VRTN: variants seen among roughly 807,000 people sequenced by gnomAD.
The protein encoded by VRTN is vertebrae development associated.
Under a neutral mutation model 18.2 loss-of-function variants are expected in VRTN, and 5 were observed. The observed-to-expected ratio is 0.27, with a 90% CI of 0.14 to 0.58. The LOEUF is 0.58. VRTN is among the 20% of genes least tolerant of loss of function. VRTN has a pLI of 0.91. For synonymous variants in VRTN, 381 were observed against 393.7 expected (o/e 0.97, Z 0.38); for missense variants, 741 against 939.4 (o/e 0.79, Z 2.76).
chr14:74,340,025 T>C (rs1365796952), intron 2 of VRTN, among the ~76,000 whole-genome samples: 1 of 151,878 alleles, frequency 6.6e-6, no homozygotes, highest in African/African-American at 2.4e-5. Flanking sequence ...AACCTCTGCC[T>C]CCTGGGTTCA....
upstream of VRTN, among the ~76,000 whole-genome samples, chr14:74,347,411 G>C (rs888714197): frequency 6.6e-6 from 1 of 152,214 alleles, no homozygotes; most frequent in Non-Finnish European, 1.5e-5. Context: ...CCTGGGAAAG[G>C]GTGTTTTGTG....
In VRTN at chr14:74,343,372, C is replaced by T. The variant is rs370754036; in HGVS notation, c.-2+5488C>T. 3.9e-5 allele frequency among the ~76,000 whole-genome samples: 6 copies of T among 152,222 alleles called. No individual in the cohort carries two copies. The South Asian group carries it at 6.2e-4, about 16-fold the overall frequency. On this transcript the variant is annotated intron_variant, in intron 2 of 2. Coordinates refer to the VRTN transcript ENST00000557177. ...AAACTCCTGACCTTGGTGATCCATC[C>T]GCCTCAGCCTCCCAAAGGGCTGGGA...
At chr14:74,342,767 A>G (rs1223520953) in intron 2 of VRTN, among the ~76,000 whole-genome samples, 1 of 151,918 alleles carries the variant, frequency 6.6e-6, no homozygotes, top group Non-Finnish European at 1.5e-5. Flanking sequence ...GGCGCATGAC[A>G]CCACACAGGG....
chr14:74,334,456 G>C (rs1210163393), intron 1 of VRTN, among the ~76,000 whole-genome samples: 1 of 152,144 alleles, frequency 6.6e-6, no homozygotes, highest in African/African-American at 2.4e-5. Flanking sequence ...ATTGAGCCTA[G>C]GAGGCAGAAG....
rs1282093532 is a variant in VRTN at position 74,320,561 on chromosome 14, CTCTTTTTTTTTTTTTTTTTT to C, written c.-163-17160_-163-17141del. Among the ~76,000 whole-genome samples the C allele has an allele frequency of 4.3e-3, 397 of 91,554 alleles. 23 individuals carry two copies. The highest frequency in any genetic ancestry group is 0.017 in the African/African-American group (381 of 22,108). The allele number at this position is 91,554 out of a possible 152,430, so 60.1% of individuals were successfully genotyped here. Reference sequence around the variant, plus strand: ...ACAGACTTGAGCCACTGCGCCCGGCCTCTTTTTTTTTTTTTTTTTTTTTTTTTTTTTTTTTTTTTTTTTGA... The same window carrying C: ...ACAGACTTGAGCCACTGCGCCCGGCCTTTTTTTTTTTTTTTTTTTTTTTGA... On this transcript the variant is annotated intron_variant, in intron 1 of 2. Transcript: ENST00000557177.
At chr14:74,346,714 A>T (rs1429060874), upstream of VRTN, among the ~76,000 whole-genome samples, 1 of 152,206 alleles carries the variant, frequency 6.6e-6, no homozygotes, top group Non-Finnish European at 1.5e-5. Context: ...GATTATAGGT[A>T]ATTTTTCTTC....
At chr14:74,329,876 C>CTTTTT (rs61567546) in intron 1 of VRTN, among the ~76,000 whole-genome samples, 1 of 135,520 alleles carries the variant, frequency 7.4e-6, no homozygotes, top group Admixed American at 7.5e-5. Context: ...CGGGCCTGGG[C>CTTTTT]TTTTTTTTTT....
chr14:74,330,706 G>A (rs2085516319), intron 1 of VRTN, among the ~76,000 whole-genome samples: 2 of 151,918 alleles, frequency 1.3e-5, no homozygotes, highest in Admixed American at 6.6e-5. Context: ...CTCCCAAAGT[G>A]CTGGGATTAC....
chr14:74,341,078 G>T (rs921863760), intron 2 of VRTN, among the ~76,000 whole-genome samples: 15 of 152,206 alleles, frequency 9.9e-5, no homozygotes, highest in African/African-American at 3.6e-4. Flanking sequence ...TTGAGTGAAT[G>T]AATTAATTGA....
chr14:74,303,031 G>C (rs1331060909), upstream of VRTN: 18 of 1,107,384 alleles, frequency 1.6e-5, no homozygotes, highest in Non-Finnish European at 2.0e-5. Context: ...AGGAAGGTGC[G>C]GGAGACGCGG....
chr14:74,307,341 G>C (rs12884052), intron 1 of VRTN, among the ~76,000 whole-genome samples: 44,736 of 151,438 alleles, frequency 0.3, 7,123 homozygotes, highest in Middle Eastern at 0.56. Context: ...TGTTGGCTAG[G>C]CTGGTCTCAA....
intron 1 of VRTN, chr14:74,305,445 C>T (rs1029307536): frequency 5.2e-5 from 10 of 192,484 alleles, no homozygotes; most frequent in East Asian, 4.1e-4. Context: ...AAGGAACTTA[C>T]TTCTTCAAGC....
chr14:74,337,377 AC>A (rs1169315537), intron 1 of VRTN, among the ~76,000 whole-genome samples: 2 of 151,976 alleles, frequency 1.3e-5, no homozygotes, highest in Non-Finnish European at 2.9e-5. Context: ...AAACAAACAA[AC>A]AAAACAACAA....
At position 74,357,234 on chromosome 14, in the gene VRTN, G is replaced by A. The variant is rs143867872; in HGVS notation, c.451G>A (p.Ala151Thr). 15 of 1,612,914 alleles carry A rather than the reference G, an allele frequency of 9.3e-6. No individual in the cohort carries two copies. Among genetic ancestry groups the A allele is most frequent in the East Asian group, 4.5e-5 (2 of 44,872 alleles). The change falls in exon 2 of 2, where the codon GCC becomes ACC. Residue 151 changes from alanine to threonine, a missense_variant. This residue lies in a region of VRTN where 186 missense variants were observed against 288.3 expected (regional missense o/e 0.65). Coordinates refer to ENST00000256362, the MANE Select transcript of VRTN (RefSeq NM_018228.3). This position sits in a 1 kb window ranked among gnomAD's most constrained non-coding sequence, Gnocchi z 7.8. The part of the protein sequence containing the change: ...ESPEMTSLPP[A>T]TLEAIFDADV... ...CCCTGAGATGACCAGCTTGCCCCCC[G>A]CCACGCTGGAGGCCATCTTCGATGC...
At position 74,358,102 on chromosome 14, in the gene VRTN, G is replaced by A. The variant is rs751604156; in HGVS notation, c.1319G>A (p.Arg440Gln). The stretch of plus-strand genomic sequence containing the variant: ...TCACGGTCCACTTATTATAATTGGC[G>A]GCGAAAGGCCCTCCGGAGGAACCCC... ...GISRSTYYNW[R>Q]RKALRRNPSF... Residue 440 changes from arginine (R) to glutamine (Q), a missense_variant, in exon 2 of 2, where the codon CGG becomes CAG. This residue lies in a region of VRTN where 494 missense variants were observed against 546.5 expected (regional missense o/e 0.90). Transcript: ENST00000256362. The surrounding 1 kb of genome is among the most constrained non-coding windows in gnomAD (Gnocchi z 5.4). 20 of 1,614,156 alleles carry A rather than the reference G, an allele frequency of 1.2e-5. No individual in the cohort carries two copies. Among genetic ancestry groups the A allele is most frequent in the Non-Finnish European group, 1.5e-5 (18 of 1,180,016 alleles).
chr14:74,308,814 C>T (rs1329172141), intron 1 of VRTN, among the ~76,000 whole-genome samples: 1 of 152,108 alleles, frequency 6.6e-6, no homozygotes, highest in Non-Finnish European at 1.5e-5. Context: ...CTGCACCCTG[C>T]TCTTCAAGGC....
Position 74,357,165 on chromosome 14 carries a change from G to T in VRTN, c.382G>T (p.Val128Leu). 6.3e-7 allele frequency: 1 copy of T among 1,599,604 alleles called. No homozygotes were observed. Among genetic ancestry groups the T allele is most frequent in the South Asian group, 1.1e-5 (1 of 90,874 alleles). The part of the protein sequence containing the change: ...YYLQGMIDSK[V>L]MLQAVRYSLC... ...CCTCCAGGGCATGATCGACTCCAAAGTGATGCTGCAGGCCGTGCGCTACTC... is the reference window on the plus strand; with the variant it reads ...CCTCCAGGGCATGATCGACTCCAAATTGATGCTGCAGGCCGTGCGCTACTC... Residue 128 changes from valine to leucine, a missense_variant, in exon 2 of 2, where the codon GTG becomes TTG. This residue lies in a region of VRTN where 186 missense variants were observed against 288.3 expected (regional missense o/e 0.65). Transcript: ENST00000256362. The surrounding 1 kb of genome is among the most constrained non-coding windows in gnomAD (Gnocchi z 7.8).
chr14:74,356,665 C>T (rs367824365), intron 1 of VRTN, 118 bp from the exon 2 acceptor site: 18 of 1,355,808 alleles, frequency 1.3e-5, no homozygotes, highest in East Asian at 1.0e-4. Flanking sequence ...TGTGGGAGGA[C>T]GGGAGCAGAT....
In VRTN at chr14:74,358,038, G is replaced by T. The variant is rs1397874676; in HGVS notation, c.1255G>T (p.Val419Leu). Reference protein sequence around the residue: ...LEHCISLNTLVPYRCFKRRFP... With the variant: ...LEHCISLNTLLPYRCFKRRFP... ...GCATTGCATCTCCCTGAACACACTG[G>T]TACCCTATCGCTGCTTCAAACGCAG... Residue 419 changes from valine to leucine, a missense_variant, in exon 2 of 2, where the codon GTA (valine) becomes TTA (leucine). Coordinates refer to ENST00000256362, the MANE Select transcript of VRTN (RefSeq NM_018228.3). This position sits in a 1 kb window ranked among gnomAD's most constrained non-coding sequence, Gnocchi z 5.4. The T allele has an allele frequency of 6.2e-7, 1 of 1,614,122 alleles. No homozygotes were observed. Among genetic ancestry groups the T allele is most frequent in the Admixed American group, 1.7e-5 (1 of 60,006 alleles).
Sources: allele counts gnomAD v4.1 joint callset (sites outside exome capture counted in the v4.1 genomes callset), GRCh38; gene constraint gnomAD v4.1.1; regional missense constraint gnomAD v4.1.1; non-coding constraint Gnocchi (gnomAD v3.1); transcripts MANE v1.5; gene names NCBI Gene and HGNC (gene_info 2026-07-23, HGNC 2026-07-21).